Variants in SLC8A1 observed in about 807,000 individuals in gnomAD.
SLC8A1 encodes solute carrier family 8 member A1.
A neutral mutation model predicts 68.3 loss-of-function variants in SLC8A1; 18 were observed. The ratio of observed to expected loss-of-function variants is 0.26; its 90% confidence interval spans 0.18 to 0.39. SLC8A1 has a LOEUF of 0.39. SLC8A1 is among the 10% of genes least tolerant of loss of function. The pLI, the probability that SLC8A1 is intolerant of heterozygous loss-of-function variation, is 1.00. For synonymous variants in SLC8A1, 475 were observed against 415.5 expected, an observed-to-expected ratio of 1.14 and a Z score of -1.74; for missense variants, 985 against 1,156.7, an observed-to-expected ratio of 0.85 and a Z score of 2.15.
chr2:40,303,669 C>A (rs79762357), intron 2 of SLC8A1, among the ~76,000 whole-genome samples: 1,804 of 152,224 alleles, frequency 0.012, 30 homozygotes, highest in African/African-American at 0.041. Flanking sequence ...GTTTTAGGTA[C>A]AATCCAGATG....
At chr2:40,305,857 A>G (rs1201519193) in intron 2 of SLC8A1, among the ~76,000 whole-genome samples, 1 of 152,240 alleles carries the variant, frequency 6.6e-6, no homozygotes, top group African/African-American at 2.4e-5. Context: ...ATTTTGTGAA[A>G]CAGACCGTTT....
upstream of SLC8A1, among the ~76,000 whole-genome samples, chr2:40,455,563 G>T (rs1028834612): frequency 9.0e-6 from 1 of 110,674 alleles, no homozygotes; most frequent in Non-Finnish European, 2.2e-5. Context: ...TTACATAATA[G>T]CCCCTAGCCT....
chr2:40,443,825 C>T (rs1021194334), intron 1 of SLC8A1, among the ~76,000 whole-genome samples: 7 of 152,196 alleles, frequency 4.6e-5, no homozygotes, highest in African/African-American at 1.4e-4. Context: ...GAATCCTACA[C>T]TTTGGCATTC....
At chr2:40,133,339 A>G (rs1335017770) in intron 7 of SLC8A1, among the ~76,000 whole-genome samples, 1 of 149,978 alleles carries the variant, frequency 6.7e-6, no homozygotes, top group Non-Finnish European at 1.5e-5. Context: ...AATGACATAA[A>G]TTTTCCCCAA....
intron 2 of SLC8A1, among the ~76,000 whole-genome samples, chr2:40,404,324 T>C (rs557732812): frequency 1.3e-5 from 2 of 152,342 alleles, no homozygotes; most frequent in African/African-American, 4.8e-5. Flanking sequence ...CTTTGGACTA[T>C]TAACATTTTT....
At chr2:40,103,770 G>A (rs1048797671) in exon 8 of SLC8A1, 5 of 152,166 alleles carry the variant, frequency 3.3e-5, no homozygotes, top group African/African-American at 1.2e-4. Flanking sequence ...AGGGAAGGGA[G>A]ACTGTTTTTC....
intron 2 of SLC8A1, among the ~76,000 whole-genome samples, chr2:40,373,544 G>A (rs1429093737): frequency 6.6e-6 from 1 of 152,042 alleles, no homozygotes; most frequent in African/African-American, 2.4e-5. Context: ...TCTATTTTAA[G>A]CTAGGCATTT....
chr2:40,264,200 A>G (rs902919992), intron 2 of SLC8A1, among the ~76,000 whole-genome samples: 5 of 150,914 alleles, frequency 3.3e-5, no homozygotes, highest in Non-Finnish European at 5.9e-5. Flanking sequence ...TCAGGAAACA[A>G]CAGGTGCTGG....
At chr2:40,164,704 T>C in intron 5 of SLC8A1, 150 bp downstream of exon 8, 1 of 1,016,796 alleles carries the variant, frequency 9.8e-7, no homozygotes, top group Non-Finnish European at 1.4e-6. Context: ...ATAATTCCAA[T>C]TTGGCCCCAA....
chr2:40,330,813 T>A (rs1213730229), intron 2 of SLC8A1, among the ~76,000 whole-genome samples: 1 of 152,188 alleles, frequency 6.6e-6, no homozygotes, highest in East Asian at 1.9e-4. Context: ...TGAGGCATTC[T>A]GGAAAAATGA....
At chr2:40,258,374 A>G (rs1177723426) in intron 2 of SLC8A1, among the ~76,000 whole-genome samples, 5 of 152,200 alleles carry the variant, frequency 3.3e-5, no homozygotes, top group Non-Finnish European at 5.9e-5. Context: ...GTCAAAATGA[A>G]AGAAAGTAAC....
In SLC8A1 at chr2:40,496,375, T is replaced by A. The variant is rs535285825; in HGVS notation, c.-25+15974A>T. ...TATTCAAAAGGATTTCAGAACTATCTGAAAAGACAGCATGGCTGTATGGCA... is the reference window on the plus strand; with the variant it reads ...TATTCAAAAGGATTTCAGAACTATCAGAAAAGACAGCATGGCTGTATGGCA... On this transcript the variant is annotated intron_variant, in intron 1 of 7. Transcript: ENST00000402441. Among the ~76,000 whole-genome samples, 4 of 152,230 alleles carry A rather than the reference T, an allele frequency of 2.6e-5. No homozygotes were observed. The South Asian group carries it at 6.2e-4, about 24-fold the overall frequency.
At chr2:40,308,684 G>A (rs1038687039) in intron 2 of SLC8A1, among the ~76,000 whole-genome samples, 2 of 152,096 alleles carry the variant, frequency 1.3e-5, no homozygotes, top group East Asian at 3.9e-4. Context: ...ACCTCTAAAG[G>A]TGTATTGGGC....
At chr2:40,412,930 T>G (rs1692626288) in intron 2 of SLC8A1, among the ~76,000 whole-genome samples, 1 of 152,156 alleles carries the variant, frequency 6.6e-6, no homozygotes, top group Non-Finnish European at 1.5e-5. Flanking sequence ...ACTTTAAGTT[T>G]TAGGGTACAT....
At position 40,104,321 on chromosome 2, in the gene SLC8A1, T is replaced by C. The variant is rs190715896; in HGVS notation, c.*10932A>G. ...AACACCTAGTAAAAGAATTCAGCAA[T>C]GGTGAGGCAAATGATCTTTGTAATA... On this transcript the variant is annotated 3_prime_UTR_variant, in exon 8 of 8. Coordinates refer to ENST00000406785, the Ensembl canonical transcript of SLC8A1. 9 of 152,262 alleles carry C rather than the reference T, an allele frequency of 5.9e-5. No individual in the cohort carries two copies. In the East Asian group the frequency reaches 1.3e-3, roughly 23 times the overall value. The allele number at this position is 152,262 out of a possible 1,614,324, so 9.4% of individuals were successfully genotyped here.
At chr2:40,347,013 A>G (rs1669563886) in intron 2 of SLC8A1, among the ~76,000 whole-genome samples, 1 of 152,208 alleles carries the variant, frequency 6.6e-6, no homozygotes. Context: ...TTTTGTACAT[A>G]CATCAAAGCA....
intron 2 of SLC8A1, among the ~76,000 whole-genome samples, chr2:40,304,959 G>T (rs1250504677): frequency 6.6e-6 from 1 of 152,162 alleles, no homozygotes; most frequent in Non-Finnish European, 1.5e-5. Flanking sequence ...TTAGGTCAGT[G>T]CTTCTAAACT....
chr2:40,180,741 C>T (rs2049358460), intron 2 of SLC8A1, among the ~76,000 whole-genome samples: 1 of 152,144 alleles, frequency 6.6e-6, no homozygotes, highest in South Asian at 2.1e-4. Context: ...TTGCAACCCA[C>T]CCTGCATCTC....
chr2:40,376,539 A>AT (rs1208989245), intron 2 of SLC8A1, among the ~76,000 whole-genome samples: 1 of 152,128 alleles, frequency 6.6e-6, no homozygotes, highest in African/African-American at 2.4e-5. Context: ...AGCAATGTTC[A>AT]TGCATTTCAG....
Sources: gnomAD v4.1 joint callset for allele counts (sites outside exome capture counted in the v4.1 genomes callset) on GRCh38, gnomAD v4.1.1 for gene constraint, MANE v1.5 for transcripts, NCBI Gene and HGNC (gene_info 2026-07-23, HGNC 2026-07-21) for gene names.